The following ANKDD1A variants were observed in gnomAD, a reference collection of about 807,000 sequenced individuals.
The protein encoded by ANKDD1A is ankyrin repeat and death domain-containing protein 1A.
In ANKDD1A, 59 loss-of-function variants were observed where a neutral mutation model predicts 63.5. The ratio of observed to expected loss-of-function variants is 0.93; its 90% CI spans 0.75 to 1.15. The LOEUF is 1.15. Ranked by LOEUF, ANKDD1A falls within the 50% of genes most tolerant of loss-of-function variation. The pLI is 0.00. For missense variants in ANKDD1A, 632 were observed against 656.4 expected, an observed-to-expected ratio of 0.96 and a Z score of 0.41; for synonymous variants, 266 against 263.9, an observed-to-expected ratio of 1.01 and a Z score of -0.08.
chr15:64,943,305 T>A (rs2085198739), intron 10 of ANKDD1A, 179 bp from the exon 11 acceptor site: 5 of 606,582 alleles, frequency 8.2e-6, no homozygotes, highest in Admixed American at 5.6e-5. Context: ...GTAAAAAAAT[T>A]AAGATGTAAA....
At chr15:64,953,945 T>C (rs1415943742) in intron 14 of ANKDD1A, among the ~76,000 whole-genome samples, 26 of 88,810 alleles carry the variant, frequency 2.9e-4, no homozygotes, top group African/African-American at 1.2e-3. Flanking sequence ...TTTCTTCCTC[T>C]TCTTCTATTG....
chr15:64,929,013 C>G (rs954763671), intron 6 of ANKDD1A, among the ~76,000 whole-genome samples: 1 of 152,272 alleles, frequency 6.6e-6, no homozygotes, highest in African/African-American at 2.4e-5. Flanking sequence ...CTGCGTGTCT[C>G]TGAACACAGA....
rs995436563 is a variant in ANKDD1A, at chr15:64,937,100, T to G, written c.867+2866T>G. ...CACCTTCATATGTTACTGGAAGGAG[T>G]AGAAGTTGGTACAATCTGTTCAGAG... On this transcript the variant is annotated intron_variant, in intron 9 of 14. Coordinates refer to ENST00000319580, the MANE Select transcript of ANKDD1A (RefSeq NM_182703.6). 6.3e-4 allele frequency among the ~76,000 whole-genome samples: 96 copies of G among 152,054 alleles called. 1 individual carries two copies. The highest frequency in any genetic ancestry group is 1.9e-4 in the Non-Finnish European group (13 of 68,020).
At position 64,947,456 on chromosome 15, in the gene ANKDD1A, G is replaced by T. The variant is rs139202418; in HGVS notation, c.1214G>T (p.Arg405Leu). ...AGCTTGTCCTTTAAGCAGGACCATC[G>T]GCAGGAAACACAGCAGCTCCGTTCT... The part of the protein sequence containing the change: ...GKSLSFKQDH[R>L]QETQQLRSVL... The change falls in exon 13 of 15, where the codon CGG becomes CTG. Residue 405 changes from arginine (R) to leucine (L), a missense_variant. Physicochemically the swap from Arg to Leu is moderately radical, Grantham distance 102. Transcript: ENST00000319580. The T allele has an allele frequency of 5.6e-6, 9 of 1,613,948 alleles. No homozygotes were observed. The African/African-American group carries it at 1.2e-4, about 22-fold the overall frequency.
chr15:64,930,866 G>A lies in ANKDD1A; in HGVS notation c.615G>A (p.Met205Ile), dbSNP rs1171257530. The change falls in exon 7 of 15, where the codon ATG becomes ATA. Residue 205 changes from methionine (M) to isoleucine (I), a missense_variant. Coordinates refer to ENST00000319580, the MANE Select transcript of ANKDD1A (RefSeq NM_182703.6). ...ALHLAAGRGH[M>I]AVLQRLVDIG... ...ATCTGGCTGCTGGTCGGGGCCATAT[G>A]GCTGTGCTGCAGCGACTTGTGGACA... is the stretch of plus-strand genomic sequence containing the variant. 3 of 1,613,090 alleles carry A rather than the reference G, an allele frequency of 1.9e-6. No individual in the cohort carries two copies. In the African/African-American group the frequency reaches 4.0e-5, roughly 22 times the overall value.
At position 64,958,631 on chromosome 15, in the gene ANKDD1A, G is replaced by GTAA. The variant is rs2085442874; in HGVS notation, c.*1445_*1447dup. ...GGATGAATTTTATAAAATGAATTTT[G>GTAA]TAATTTTTTTCTGAGAAAAAAAAGT... On this transcript the variant is annotated 3_prime_UTR_variant, in exon 15 of 15. Coordinates refer to ENST00000319580, the MANE Select transcript of ANKDD1A (RefSeq NM_182703.6). The GTAA allele has an allele frequency of 6.6e-6, 1 of 152,130 alleles. No individual in the cohort carries two copies. The highest frequency in any genetic ancestry group is 2.4e-5 in the African/African-American group (1 of 41,434). 9.4% of individuals were successfully genotyped at this position (152,130 alleles called of 1,614,324 possible). A position where few individuals can be genotyped will look rare whatever the true frequency, so the allele number is the denominator to read the frequency against.
intron 1 of ANKDD1A, among the ~76,000 whole-genome samples, chr15:64,912,691 C>T (rs562833423): frequency 1.3e-5 from 2 of 152,384 alleles, no homozygotes; most frequent in East Asian, 3.9e-4. Context: ...CTTGATCCTG[C>T]AGCCCTGGCT....
At chr15:64,954,616 CCT>C (rs2085392174) in intron 14 of ANKDD1A, among the ~76,000 whole-genome samples, 2 of 129,148 alleles carry the variant, frequency 1.5e-5, no homozygotes, top group African/African-American at 5.7e-5. Context: ...CCTCCTCCTT[CCT>C]CTTTTCTTCT....
At chr15:64,953,354 GTTC>G (rs1366639912) in intron 14 of ANKDD1A, among the ~76,000 whole-genome samples, 43 of 125,614 alleles carry the variant, frequency 3.4e-4, no homozygotes, top group Non-Finnish European at 4.5e-4. Context: ...CTTCTTCTTA[GTTC>G]TTCTTTCTTC....
At chr15:64,929,268 T>A (rs1374366497) in intron 6 of ANKDD1A, among the ~76,000 whole-genome samples, 3 of 152,158 alleles carry the variant, frequency 2.0e-5, no homozygotes, top group Non-Finnish European at 4.4e-5. Context: ...CAACTTCCCA[T>A]GCTCAAGCAA....
rs2085328572 is a variant in ANKDD1A at position 64,953,009 on chromosome 15, TTCTCCTTG to T, written c.1483+3039_1483+3046del. 6.9e-5 allele frequency among the ~76,000 whole-genome samples: 10 copies of T among 145,414 alleles called. No individual in the cohort carries two copies. The South Asian group carries it at 1.1e-3, about 16-fold the overall frequency. The stretch of plus-strand genomic sequence containing the variant: ...CCTTCTTCTCCTTCTTAGTTCTTTC[TTCTCCTTG>T]TTCTTCTCCTCCTTCTTCCTTTCTT... On this transcript the variant is annotated intron_variant, in intron 14 of 14. Transcript: ENST00000319580.
At chr15:64,949,318 CTG>C (rs1052903851) in intron 13 of ANKDD1A, among the ~76,000 whole-genome samples, 3 of 152,190 alleles carry the variant, frequency 2.0e-5, no homozygotes, top group African/African-American at 7.2e-5. Context: ...ATGAGAATCT[CTG>C]GGGGTGACAT....
chr15:64,950,897 C>A, intron 14 of ANKDD1A: 1 of 1,221,528 alleles, frequency 8.2e-7, no homozygotes, highest in Non-Finnish European at 1.0e-6. Context: ...AACATAAAAC[C>A]AGTCCTGTGA....
At chr15:64,951,564 C>CTGCTTTATTTTTCTTTT (rs1595858394) in intron 14 of ANKDD1A, 1 of 122,692 alleles carries the variant, frequency 8.2e-6, no homozygotes, top group Non-Finnish European at 1.7e-5. Context: ...CTTTCTTTTT[C>CTGCTTTATTTTTCTTTT]TTTTCTTTCT....
chr15:64,950,362 T>G (rs2085259886), intron 14 of ANKDD1A: 1 of 985,186 alleles, frequency 1.0e-6, no homozygotes, highest in Non-Finnish European at 1.2e-6. Flanking sequence ...TTAATATGAG[T>G]TGAACCAGTC....
chr15:64,933,677 A>C (rs2085106571), intron 8 of ANKDD1A, among the ~76,000 whole-genome samples: 1 of 152,128 alleles, frequency 6.6e-6, no homozygotes, highest in African/African-American at 2.4e-5. Context: ...CCCCGTCTCT[A>C]CTAAAAATAC....
At chr15:64,929,122 CAA>C (rs1479350034) in intron 6 of ANKDD1A, among the ~76,000 whole-genome samples, 1 of 152,244 alleles carries the variant, frequency 6.6e-6, no homozygotes, top group Non-Finnish European at 1.5e-5. Context: ...GAGAGAAAAA[CAA>C]AGCTGTTGAG....
At chr15:64,950,216 GGAGCCAGT>G (rs2085258807) in intron 14 of ANKDD1A, 1 of 985,366 alleles carries the variant, frequency 1.0e-6, no homozygotes, top group African/African-American at 1.7e-5. Context: ...TCACAGCCCC[GGAGCCAGT>G]GATGCTGTCC....
chr15:64,953,562 C>CTTCCTT (rs2085347017), intron 14 of ANKDD1A, among the ~76,000 whole-genome samples: 1,272 of 88,862 alleles, frequency 0.014, 23 homozygotes, highest in African/African-American at 0.043. Flanking sequence ...CTTCTTTCTT[C>CTTCCTT]CTCCTTCTTC....
Sources: gnomAD v4.1 joint callset for allele counts (sites outside exome capture counted in the v4.1 genomes callset) on GRCh38, gnomAD v4.1.1 for gene constraint, MANE v1.5 for transcripts, NCBI Gene and HGNC (gene_info 2026-07-23, HGNC 2026-07-21) for gene names.